The following TDRD7 variants were observed in gnomAD, a reference collection of about 807,000 sequenced individuals.
TDRD7 encodes the protein tudor domain-containing protein 7.
TDRD7 carries 47 observed loss-of-function variants against 109.8 expected under a neutral mutation model. That is an observed-to-expected ratio of 0.43 (90% confidence interval 0.34 to 0.55). The LOEUF (loss-of-function observed/expected upper bound fraction) is 0.55. Among genes scored for constraint, TDRD7 ranks in the 20% least tolerant of loss-of-function variants. The pLI is 0.03. For missense variants in TDRD7, 1,164 were observed against 1,319.2 expected (o/e 0.88, Z 1.82); for synonymous variants, 424 against 457.3 (o/e 0.93, Z 0.93).
At chr9:97,448,503 A>G (rs568885175) in intron 6 of TDRD7, among the ~76,000 whole-genome samples, 1 of 152,190 alleles carries the variant, frequency 6.6e-6, no homozygotes, top group Non-Finnish European at 1.5e-5. Flanking sequence ...CTTTCTGTGA[A>G]CTGGCTAATC....
At chr9:97,444,897 A>C (rs1279210506) in intron 6 of TDRD7, among the ~76,000 whole-genome samples, 1 of 152,170 alleles carries the variant, frequency 6.6e-6, no homozygotes, top group Non-Finnish European at 1.5e-5. Flanking sequence ...TTTTATCTTC[A>C]GGGAGGCTCT....
chr9:97,495,806 A>G lies in TDRD7; in HGVS notation c.3220A>G (p.Thr1074Ala). The part of the protein sequence containing the change: ...DRKVVVYLVD[T>A]SLPDTDTWIH... The stretch of plus-strand genomic sequence containing the variant: ...GAAAGTAGTGGTCTACTTAGTGGAC[A>G]CATCGTTGCCAGACACCGATACCTG... Residue 1074 changes from threonine (T) to alanine (A), a missense_variant, in exon 17 of 17, where the codon ACA becomes GCA. Transcript: ENST00000355295. 4 of 1,614,226 alleles carry G rather than the reference A, an allele frequency of 2.5e-6. No homozygotes were observed. The highest frequency in any genetic ancestry group is 2.5e-6 in the Non-Finnish European group (3 of 1,180,046).
At chr9:97,454,192 C>T (rs1422823873) in intron 6 of TDRD7, among the ~76,000 whole-genome samples, 1 of 152,158 alleles carries the variant, frequency 6.6e-6, no homozygotes, top group Non-Finnish European at 1.5e-5. Context: ...TTATAAAAAA[C>T]AGTCTCGGCT....
intron 1 of TDRD7, among the ~76,000 whole-genome samples, chr9:97,425,022 A>G (rs62557502): frequency 0.062 from 9,369 of 152,128 alleles, 506 homozygotes; most frequent in African/African-American, 0.15. Context: ...AAATGACACT[A>G]CAGCGCCTCA....
At chr9:97,473,735 A>G (rs1828962458) in intron 11 of TDRD7, 109 bp downstream of exon 11, 1 of 1,430,028 alleles carries the variant, frequency 7.0e-7, no homozygotes, top group Non-Finnish European at 9.6e-7. Flanking sequence ...ACGATTTTTT[A>G]GTAGTCTGAA....
At chr9:97,451,185 G>T (rs1464593645) in intron 6 of TDRD7, among the ~76,000 whole-genome samples, 1 of 152,070 alleles carries the variant, frequency 6.6e-6, no homozygotes, top group Non-Finnish European at 1.5e-5. Flanking sequence ...AGCAGAGAGG[G>T]CATGGAAGCT....
intron 16 of TDRD7, among the ~76,000 whole-genome samples, chr9:97,490,365 C>T (rs1252762836): frequency 6.6e-6 from 1 of 151,960 alleles, no homozygotes; most frequent in East Asian, 1.9e-4. Context: ...TCCTTTCAAC[C>T]CTCTAGTCTC....
chr9:97,428,697 G>T (rs1283290168), intron 2 of TDRD7, 25 bp downstream of exon 2: 1 of 1,607,442 alleles, frequency 6.2e-7, no homozygotes, highest in South Asian at 1.1e-5. Flanking sequence ...GTGCGTGTCA[G>T]AAGAATCAAA....
rs756389343 is a variant in TDRD7 at position 97,428,639 on chromosome 9, A to C, written c.174A>C (p.Ala58=). The C allele has an allele frequency of 6.2e-7, 1 of 1,613,976 alleles. No homozygotes were observed. Among genetic ancestry groups the C allele is most frequent in the South Asian group, 1.1e-5 (1 of 91,090 alleles). The change falls in exon 2 of 17, where the codon GCA becomes GCC. Residue 58 remains alanine (A), a synonymous_variant. Transcript: ENST00000355295. ...TLEAYLRSVP[A]VVRIETSRSG... ...AAGCCTATCTGAGAAGTGTGCCAGC[A>C]GTGGTCAGGATAGAGACTAGTAGAT...
At chr9:97,486,775 G>A (rs1252248615) in intron 15 of TDRD7, among the ~76,000 whole-genome samples, 1 of 152,092 alleles carries the variant, frequency 6.6e-6, no homozygotes, top group Non-Finnish European at 1.5e-5. Flanking sequence ...CATCGTCCAA[G>A]CATGTACCAT....
chr9:97,493,917 T>C (rs965930858), intron 16 of TDRD7, among the ~76,000 whole-genome samples: 3 of 152,248 alleles, frequency 2.0e-5, no homozygotes, highest in African/African-American at 7.2e-5. Context: ...TCCCTGAACA[T>C]TGCTGTTATC....
intron 7 of TDRD7, among the ~76,000 whole-genome samples, chr9:97,461,735 G>A (rs1194700439): frequency 2.0e-5 from 3 of 152,260 alleles, no homozygotes; most frequent in African/African-American, 4.8e-5. Context: ...AGTCCAGGGT[G>A]TGGCCATGGC....
At chr9:97,451,905 C>T (rs1353962987) in intron 6 of TDRD7, among the ~76,000 whole-genome samples, 1 of 152,194 alleles carries the variant, frequency 6.6e-6, no homozygotes, top group Non-Finnish European at 1.5e-5. Flanking sequence ...TCACACAAGT[C>T]TTCTGTGTTG....
At chr9:97,454,851 T>C (rs1303794206) in intron 6 of TDRD7, among the ~76,000 whole-genome samples, 1 of 150,184 alleles carries the variant, frequency 6.7e-6, no homozygotes, top group East Asian at 2.0e-4. Flanking sequence ...TTGAAGGAGA[T>C]GGAGACAGGA....
intron 6 of TDRD7, among the ~76,000 whole-genome samples, chr9:97,456,275 A>G (rs922678243): frequency 6.6e-6 from 1 of 152,234 alleles, no homozygotes; most frequent in Non-Finnish European, 1.5e-5. Flanking sequence ...ATTAAATGCT[A>G]TTCTCATCAA....
chr9:97,496,036 AGTTTT>A lies in TDRD7; in HGVS notation c.*159_*163del. The A allele has an allele frequency of 3.0e-6, 2 of 673,662 alleles. No individual in the cohort carries two copies. The highest frequency in any genetic ancestry group is 1.7e-5 in the South Asian group (1 of 57,842). The allele number at this position is 673,662 out of a possible 1,614,324, so 41.7% of individuals were successfully genotyped here. A position where few individuals can be genotyped will look rare whatever the true frequency, so the allele number is the denominator to read the frequency against. On this transcript the variant is annotated 3_prime_UTR_variant, in exon 17 of 17. Transcript: ENST00000355295. Reference sequence around the variant, plus strand: ...TATGTTTGATGAAAGATATTTAACAAGTTTTGTTTTAACAGAGTTGACTTTTCAAA... The same window carrying A: ...TATGTTTGATGAAAGATATTTAACAAGTTTTAACAGAGTTGACTTTTCAAA...
At chr9:97,487,624 GCTTTT>G (rs1436888740) in intron 16 of TDRD7, among the ~76,000 whole-genome samples, 1 of 151,438 alleles carries the variant, frequency 6.6e-6, no homozygotes, top group African/African-American at 2.4e-5. Flanking sequence ...ACTGCATTCT[GCTTTT>G]CTTCATCTAG....
chr9:97,487,263 A>C lies in TDRD7; in HGVS notation c.3007A>C (p.Arg1003=). ...DYGKHELVNI[R]KVQPLVDMFR... ...TGGCAAACACGAATTAGTCAACATA[A>C]GAAAAGTACAGCCCCTAGTGGACAT... Residue 1003 remains arginine (R), a synonymous_variant, in exon 16 of 17, where the codon AGA becomes CGA. Coordinates refer to ENST00000355295, the MANE Select transcript of TDRD7 (RefSeq NM_014290.3). The C allele has an allele frequency of 6.2e-7, 1 of 1,614,050 alleles. No individual in the cohort carries two copies. Among genetic ancestry groups the C allele is most frequent in the South Asian group, 1.1e-5 (1 of 91,078 alleles).
intron 12 of TDRD7, among the ~76,000 whole-genome samples, chr9:97,477,175 G>A (rs529970214): frequency 7.2e-5 from 11 of 152,176 alleles, no homozygotes; most frequent in African/African-American, 2.4e-4. Context: ...GCACAAAGAG[G>A]TCTCATTGGC....
Sources: allele counts gnomAD v4.1 joint callset (sites outside exome capture counted in the v4.1 genomes callset), GRCh38; gene constraint gnomAD v4.1.1; transcripts MANE v1.5; gene names NCBI Gene and HGNC (gene_info 2026-07-23, HGNC 2026-07-21).